Variants in TULP3 observed in about 807,000 individuals in gnomAD.
TULP3 encodes the protein TUB like protein 3, also known as tubby-related protein 3.
In TULP3, 38 loss-of-function variants were observed where a neutral mutation model predicts 50.7. That is an observed-to-expected ratio of 0.75 (90% confidence interval 0.58 to 0.98). The LOEUF (loss-of-function observed/expected upper bound fraction) is 0.98. Ranked by LOEUF, TULP3 falls within the 50% of genes least tolerant of loss-of-function variation. TULP3 has a pLI of 0.00. For synonymous variants in TULP3, 183 were observed against 196.6 expected (o/e 0.93, Z 0.58); for missense variants, 550 against 568.0 (o/e 0.97, Z 0.32).
In TULP3 at chr12:2,909,701, G is replaced by T. The variant is rs11831283; in HGVS notation, c.93+121G>T. 2.7e-3 allele frequency: 2,733 copies of T among 1,024,722 alleles called. 52 individuals carry two copies. The African/African-American group carries it at 0.04, about 15-fold the overall frequency. The allele number at this position is 1,024,722 out of a possible 1,614,324, so 63.5% of individuals were successfully genotyped here. A position where few individuals can be genotyped will look rare whatever the true frequency, so the allele number is the denominator to read the frequency against. On this transcript the variant is annotated intron_variant, in intron 2 of 10. Coordinates refer to ENST00000448120, the MANE Select transcript of TULP3 (RefSeq NM_003324.5). ...GAAGACTGGAAAGGAGAAGGCTCGG[G>T]TGGTTACCTGTGAAGCAGTGTCTGG...
chr12:2,918,245 C>G (rs2098189794), intron 2 of TULP3, among the ~76,000 whole-genome samples: 1 of 150,374 alleles, frequency 6.7e-6, no homozygotes, highest in South Asian at 2.2e-4. Context: ...TCCCAAGTAG[C>G]CGGGATTACA....
At chr12:2,921,123 C>T (rs185175765) in intron 3 of TULP3, among the ~76,000 whole-genome samples, 113 of 152,150 alleles carry the variant, frequency 7.4e-4, no homozygotes, top group Middle Eastern at 6.8e-3. Context: ...TTAAGGTTTG[C>T]GTCCATTTTA....
At chr12:2,913,405 A>C (rs1380453291) in intron 2 of TULP3, among the ~76,000 whole-genome samples, 1 of 150,990 alleles carries the variant, frequency 6.6e-6, no homozygotes, top group Non-Finnish European at 1.5e-5. Flanking sequence ...GCACGACCAC[A>C]CTTGGCTAAT....
At chr12:2,921,518 G>A (rs2098191751) in intron 3 of TULP3, among the ~76,000 whole-genome samples, 1 of 152,134 alleles carries the variant, frequency 6.6e-6, no homozygotes, top group Non-Finnish European at 1.5e-5. Context: ...TTAAATCGTG[G>A]CAGAGGTGAA....
At chr12:2,915,679 G>A (rs193127477) in intron 2 of TULP3, among the ~76,000 whole-genome samples, 29 of 152,018 alleles carry the variant, frequency 1.9e-4, no homozygotes, top group East Asian at 5.8e-4. Context: ...TGAGTAGCTG[G>A]GACTACAGGC....
chr12:2,904,345 T>C (rs2098181012), intron 1 of TULP3, among the ~76,000 whole-genome samples: 1 of 152,178 alleles, frequency 6.6e-6, no homozygotes, highest in Non-Finnish European at 1.5e-5. Flanking sequence ...CTGTCTCACC[T>C]ATATCTATCT....
Position 2,922,402 on chromosome 12 carries a change from G to A in TULP3, c.394G>A (p.Asp132Asn). 6.2e-7 allele frequency: 1 copy of A among 1,608,014 alleles called. No homozygotes were observed. The highest frequency in any genetic ancestry group is 1.3e-5 in the African/African-American group (1 of 74,640). ...PGLQERLQKH[D>N]ISESVNFDEE... ...ACTTCAGGAGCGTCTCCAAAAGCATGGTGAGGACTGGTAATGATTTTAAGG... is the reference window on the plus strand; with the variant it reads ...ACTTCAGGAGCGTCTCCAAAAGCATAGTGAGGACTGGTAATGATTTTAAGG... The change falls in exon 4 of 11, where the codon GAT (aspartate) becomes AAT (asparagine). Residue 132 changes from aspartate (D) to asparagine (N), a missense_variant and splice_region_variant. By Grantham distance (23) the Asp-to-Asn change is conservative. Coordinates refer to ENST00000448120, the MANE Select transcript of TULP3 (RefSeq NM_003324.5).
intron 1 of TULP3, among the ~76,000 whole-genome samples, chr12:2,906,231 C>A (rs981797427): frequency 6.6e-6 from 1 of 150,888 alleles, no homozygotes; most frequent in East Asian, 2.0e-4. Context: ...GGGGTTTCAC[C>A]ATGTTGGCCA....
intron 4 of TULP3, among the ~76,000 whole-genome samples, chr12:2,926,779 C>T (rs920711097): frequency 3.3e-5 from 5 of 152,016 alleles, no homozygotes; most frequent in African/African-American, 1.2e-4. Context: ...TGGTGGTGGG[C>T]AGCTGTAATT....
At chr12:2,899,127 C>T (rs373810327) in intron 1 of TULP3, among the ~76,000 whole-genome samples, 3 of 152,126 alleles carry the variant, frequency 2.0e-5, no homozygotes, top group African/African-American at 2.4e-5. Flanking sequence ...GGGTGGGTCA[C>T]CTGAGGTCAG....
chr12:2,937,670 T>C lies in TULP3; in HGVS notation c.964T>C (p.Ser322Pro). 1.2e-6 allele frequency: 2 copies of C among 1,613,308 alleles called. No homozygotes were observed. Among genetic ancestry groups the C allele is most frequent in the Non-Finnish European group, 1.7e-6 (2 of 1,179,712 alleles). ...TGGATTTAAAGGTCCTAGGAAAATG[T>C]CTGTGATCATTCCTGGAATGACACT... ...VLGFKGPRKM[S>P]VIIPGMTLNH... The change falls in exon 9 of 11, where the codon TCT becomes CCT. Residue 322 changes from serine to proline, a missense_variant. Coordinates refer to ENST00000448120, the MANE Select transcript of TULP3 (RefSeq NM_003324.5).
At chr12:2,916,755 G>A (rs1032212647) in intron 2 of TULP3, among the ~76,000 whole-genome samples, 2 of 152,172 alleles carry the variant, frequency 1.3e-5, no homozygotes, top group Non-Finnish European at 2.9e-5. Context: ...ACTGCATGAC[G>A]GTTTTCACCA....
intron 2 of TULP3, among the ~76,000 whole-genome samples, chr12:2,917,837 A>T (rs1380073675): frequency 6.6e-6 from 1 of 151,784 alleles, no homozygotes; most frequent in Admixed American, 6.6e-5. Context: ...AGATCGCGCC[A>T]CTGCACTCCA....
At chr12:2,929,606 T>A (rs1218271732) in intron 4 of TULP3, among the ~76,000 whole-genome samples, 1 of 151,710 alleles carries the variant, frequency 6.6e-6, no homozygotes, top group Non-Finnish European at 1.5e-5. Flanking sequence ...TTTTGTTTTG[T>A]TTTTTTGAGA....
At chr12:2,911,417 A>G (rs1279985125) in intron 2 of TULP3, among the ~76,000 whole-genome samples, 2 of 151,710 alleles carry the variant, frequency 1.3e-5, no homozygotes, top group Non-Finnish European at 2.9e-5. Context: ...CAGTGGCGCA[A>G]TCTTGCCTCA....
chr12:2,903,290 C>T (rs1240203148), intron 1 of TULP3, among the ~76,000 whole-genome samples: 3 of 151,718 alleles, frequency 2.0e-5, no homozygotes, highest in Non-Finnish European at 4.4e-5. Flanking sequence ...TGGCCGGGCA[C>T]GGTGGCTCAT....
intron 1 of TULP3, among the ~76,000 whole-genome samples, chr12:2,892,150 T>G (rs1475989535): frequency 6.6e-6 from 1 of 152,204 alleles, no homozygotes; most frequent in Non-Finnish European, 1.5e-5. Flanking sequence ...TTAAACAATT[T>G]TAAACCATTT....
At chr12:2,922,475 TG>T (rs1247269088) in intron 4 of TULP3, 73 bp downstream of exon 4, 1 of 1,551,252 alleles carries the variant, frequency 6.4e-7, no homozygotes, top group East Asian at 2.3e-5. Flanking sequence ...CTTTTCATTG[TG>T]GGTAACAATC....
At chr12:2,937,574 A>G (rs1485048542) in intron 8 of TULP3, 57 bp from the exon 9 acceptor site, 4 of 1,197,090 alleles carry the variant, frequency 3.3e-6, no homozygotes, top group Non-Finnish European at 3.7e-6. Flanking sequence ...TTATAAAAGA[A>G]TGTGGTCTCT....
Sources: allele counts gnomAD v4.1 joint callset (sites outside exome capture counted in the v4.1 genomes callset), GRCh38; gene constraint gnomAD v4.1.1; transcripts MANE v1.5; gene names NCBI Gene and HGNC (gene_info 2026-07-23, HGNC 2026-07-21).